The following LYST variants were observed in gnomAD, a reference collection of about 807,000 sequenced individuals.
LYST encodes lysosomal trafficking regulator.
Under a neutral mutation model 413.6 loss-of-function variants are expected in LYST, and 192 were observed. The observed-to-expected ratio is 0.46, with a 90% CI of 0.41 to 0.52. LYST has a LOEUF of 0.52. Ranked by LOEUF, LYST falls within the 20% of genes least tolerant of loss-of-function variation. The pLI, the probability that LYST is intolerant of heterozygous loss-of-function variation, is 0.00. For missense variants in LYST, 3,815 were observed against 4,499.9 expected (o/e 0.85, Z 4.35); for synonymous variants, 1,525 against 1,567.3 (o/e 0.97, Z 0.64).
chr1:235,836,363 T>G (rs552934742), intron 1 of LYST, among the ~76,000 whole-genome samples: 1 of 152,294 alleles, frequency 6.6e-6, no homozygotes, highest in East Asian at 1.9e-4. Flanking sequence ...CACTATAATG[T>G]CAGGTCATGT....
At chr1:235,840,404 A>G (rs1007203659) in intron 1 of LYST, among the ~76,000 whole-genome samples, 1 of 152,218 alleles carries the variant, frequency 6.6e-6, no homozygotes, top group Non-Finnish European at 1.5e-5. Context: ...AGGAAAAGTG[A>G]GGATGGAGGG....
rs1026195798 is a variant in LYST, at chr1:235,781,139, T to A, written c.5024-84A>T. On this transcript the variant is annotated intron_variant, in intron 15 of 52. Transcript: ENST00000389793. Reference sequence around the variant, plus strand: ...AAAAGCAAGAAACCAGGAATTATTTTTTGTAGCCAGATTCTTTCAGTTGTT... The same window carrying A: ...AAAAGCAAGAAACCAGGAATTATTTATTGTAGCCAGATTCTTTCAGTTGTT... 5 of 863,818 alleles carry A rather than the reference T, an allele frequency of 5.8e-6. No individual in the cohort carries two copies. The Admixed American group carries it at 1.0e-4, about 18-fold the overall frequency. The allele number at this position is 863,818 out of a possible 1,614,324, so 53.5% of individuals were successfully genotyped here. A position where few individuals can be genotyped will look rare whatever the true frequency, so the allele number is the denominator to read the frequency against.
At position 235,664,590 on chromosome 1, in the gene LYST, C is replaced by T. The variant is rs142086615; in HGVS notation, c.11070G>A (p.Thr3690=). 40 of 1,614,002 alleles carry T rather than the reference C, an allele frequency of 2.5e-5. No individual in the cohort carries two copies. Among genetic ancestry groups the T allele is most frequent in the Admixed American group, 1.8e-4 (11 of 59,996 alleles). Residue 3690 remains threonine (T), a synonymous_variant, in exon 51 of 53, where the codon ACG becomes ACA. Transcript: ENST00000389793. This position sits in a 1 kb window ranked among gnomAD's most constrained non-coding sequence, Gnocchi z 4.5. ...CATGTCCAACGAGATCCCCGTTCAC[C>T]GTCCAGAGTCTGAGGTCACTGCCTC... ...AGGGSDLRLW[T]VNGDLVGHVH... is the part of the protein sequence containing the mutation.
At chr1:235,783,482 G>A (rs150603201) in intron 14 of LYST, among the ~76,000 whole-genome samples, 55 of 152,130 alleles carry the variant, frequency 3.6e-4, no homozygotes, top group African/African-American at 1.3e-3. Context: ...GCCTGTCGGC[G>A]GGTGTTGGGG....
intron 36 of LYST, among the ~76,000 whole-genome samples, chr1:235,730,212 TATA>T (rs1366932492): frequency 2.6e-5 from 4 of 152,008 alleles, no homozygotes; most frequent in Non-Finnish European, 5.9e-5. Flanking sequence ...ATGAAATGGG[TATA>T]ATAACAACCA....
intron 8 of LYST, among the ~76,000 whole-genome samples, chr1:235,801,992 G>A (rs549091115): frequency 7.2e-5 from 11 of 152,076 alleles, no homozygotes; most frequent in South Asian, 6.2e-4. Flanking sequence ...TCAGGAGTTC[G>A]AGACTAGCCT....
intron 43 of LYST, among the ~76,000 whole-genome samples, chr1:235,711,376 C>A (rs1232749994): frequency 6.6e-6 from 1 of 152,206 alleles, no homozygotes; most frequent in Non-Finnish European, 1.5e-5. Context: ...ATCAATCAAA[C>A]AACCTCAGAG....
chr1:235,737,905 C>T (rs769196764), intron 31 of LYST: 6 of 1,147,386 alleles, frequency 5.2e-6, no homozygotes, highest in East Asian at 8.9e-5. Context: ...GTGCTGGAGC[C>T]GCTGCCGACG....
At chr1:235,688,900 G>C (rs538302376) in intron 47 of LYST, among the ~76,000 whole-genome samples, 1 of 151,524 alleles carries the variant, frequency 6.6e-6, no homozygotes, top group Non-Finnish European at 1.5e-5. Context: ...CAGGAGAATC[G>C]CTTGAACCCA....
At position 235,802,946 on chromosome 1, in the gene LYST, C is replaced by G; in HGVS notation, c.3674G>C (p.Ser1225Thr). The G allele has an allele frequency of 6.2e-7, 1 of 1,613,606 alleles. No homozygotes were observed. The highest frequency in any genetic ancestry group is 8.5e-7 in the Non-Finnish European group (1 of 1,179,810). Reference sequence around the variant, plus strand: ...TTCGCCATCTTCAGGATTGCTTTCACTATCTGCTTCGTAACCTTCTTCTTC... The same window carrying G: ...TTCGCCATCTTCAGGATTGCTTTCAGTATCTGCTTCGTAACCTTCTTCTTC... ...LVEEEGYEAD[S>T]ESNPEDGETQ... The change falls in exon 8 of 53, where the codon AGT becomes ACT. Residue 1225 changes from serine (S) to threonine (T), a missense_variant. Ser to Thr is a moderately conservative substitution (Grantham distance 58). Around this residue, in one of 4 missense-constraint regions of LYST, gnomAD observed 1,648 missense variants for 1,810.3 expected, o/e 0.91. Coordinates refer to ENST00000389793, the MANE Select transcript of LYST (RefSeq NM_000081.4).
rs745696280 is a variant in LYST at position 235,741,478 on chromosome 1, C to A, written c.8302G>T (p.Val2768Phe). The A allele has an allele frequency of 3.1e-6, 5 of 1,614,106 alleles. No homozygotes were observed. The Admixed American group carries it at 5.0e-5, about 16-fold the overall frequency. The change falls in exon 31 of 53, where the codon GTT (valine) becomes TTT (phenylalanine). Residue 2768 changes from valine to phenylalanine, a missense_variant. Around this residue, in one of 4 missense-constraint regions of LYST, gnomAD observed 771 missense variants for 837.1 expected, o/e 0.92. Coordinates refer to ENST00000389793, the MANE Select transcript of LYST (RefSeq NM_000081.4). ...ATTTCCTGATGATTTGGTTCATGAA[C>A]TATTTCAAAAATTTGCTTTCTCTCT... ...AQERKQIFEI[V>F]HEPNHQEILR...
intron 28 of LYST, among the ~76,000 whole-genome samples, chr1:235,750,116 C>T (rs73126567): frequency 0.016 from 2,397 of 152,206 alleles, 64 homozygotes; most frequent in African/African-American, 0.054. Context: ...GGAAAGGTGT[C>T]CAGCAATCAT....
chr1:235,862,836 C>CAT (rs1450826629), intron 1 of LYST, among the ~76,000 whole-genome samples: 6 of 147,040 alleles, frequency 4.1e-5, no homozygotes, highest in Non-Finnish European at 4.5e-5. Flanking sequence ...CACACACACA[C>CAT]ACACACACAC....
In LYST at chr1:235,702,967, C is replaced by T; in HGVS notation, c.10154G>A (p.Gly3385Glu). ...ATCTTCAACTGCAGAGACATCCATT[C>T]CAAAATATGTCTGCAGAGTGAAAGA... ...INVFHPATYF[G>E]MDVSAVEDPV... The change falls in exon 45 of 53, where the codon GGA (glycine) becomes GAA (glutamate). Residue 3385 changes from glycine to glutamate, a missense_variant. Gly to Glu is a moderately conservative substitution (Grantham distance 98, BLOSUM62 -2). Transcript: ENST00000389793. 6.2e-7 allele frequency: 1 copy of T among 1,610,580 alleles called. No homozygotes were observed. The highest frequency in any genetic ancestry group is 8.5e-7 in the Non-Finnish European group (1 of 1,176,902).
chr1:235,701,497 G>A (rs185252704), intron 45 of LYST, among the ~76,000 whole-genome samples: 8 of 152,062 alleles, frequency 5.3e-5, no homozygotes, highest in East Asian at 1.9e-4. Flanking sequence ...GTGTGGTGGC[G>A]GGCGCCTGTA....
intron 37 of LYST, among the ~76,000 whole-genome samples, 171 bp downstream of exon 37, chr1:235,729,425 C>T (rs1376689076): frequency 6.6e-6 from 1 of 152,166 alleles, no homozygotes; most frequent in Non-Finnish European, 1.5e-5. Context: ...ATCATTTCTT[C>T]ACATTCATGA....
chr1:235,776,951 G>A, intron 17 of LYST, 112 bp downstream of exon 17: 1 of 872,732 alleles, frequency 1.1e-6, no homozygotes, highest in Non-Finnish European at 1.8e-6. Context: ...TATGTTAAAA[G>A]TTTAATATAG....
chr1:235,854,284 T>C lies in LYST; in HGVS notation c.-98+12559A>G, dbSNP rs775469740. ...ACACATATTGGAAACTGAAGCACAGTAAGGTTAGGTCATTGCTCAAAGTCA... is the reference window on the plus strand; with the variant it reads ...ACACATATTGGAAACTGAAGCACAGCAAGGTTAGGTCATTGCTCAAAGTCA... On this transcript the variant is annotated intron_variant, in intron 1 of 52. Transcript: ENST00000389793. This position sits in a 1 kb window ranked among gnomAD's most constrained non-coding sequence, Gnocchi z 4.1. 7.2e-5 allele frequency among the ~76,000 whole-genome samples: 11 copies of C among 152,142 alleles called. No homozygotes were observed. Among genetic ancestry groups the C allele is most frequent in the Non-Finnish European group, 1.6e-4 (11 of 68,020 alleles).
chr1:235,804,522 A>G lies in LYST; in HGVS notation c.3537T>C (p.Asn1179=). The part of the protein sequence containing the change: ...LGNYSADFEH[N]DAMTEKSHQS... ...TTCATACCTTCTCAGTCATAGCATC[A>G]TTATGTTCAAAATCTGCTGAATAAT... Residue 1179 remains asparagine, a synonymous_variant, in exon 7 of 53, where the codon AAT becomes AAC. Coordinates refer to ENST00000389793, the MANE Select transcript of LYST (RefSeq NM_000081.4). The G allele has an allele frequency of 6.2e-7, 1 of 1,613,730 alleles. No homozygotes were observed. Among genetic ancestry groups the G allele is most frequent in the Non-Finnish European group, 8.5e-7 (1 of 1,179,682 alleles).
Sources: gnomAD v4.1 joint callset for allele counts (sites outside exome capture counted in the v4.1 genomes callset) on GRCh38, gnomAD v4.1.1 for gene constraint, gnomAD v4.1.1 regional missense constraint, Gnocchi (gnomAD v3.1) non-coding constraint, MANE v1.5 for transcripts, NCBI Gene and HGNC (gene_info 2026-07-23, HGNC 2026-07-21) for gene names.